L3MBTL4: variants seen among roughly 807,000 people sequenced by gnomAD.
L3MBTL4 encodes the protein lethal(3)malignant brain tumor-like protein 4.
In L3MBTL4, 70 loss-of-function variants were observed where a neutral mutation model predicts 84.5. The observed-to-expected ratio is 0.83, with a 90% CI of 0.68 to 1.01. The LOEUF is 1.01. Ranked by LOEUF, L3MBTL4 falls within the 50% of genes least tolerant of loss-of-function variation. L3MBTL4 has a pLI of 0.00. For synonymous variants in L3MBTL4, 274 were observed against 259.8 expected, an observed-to-expected ratio of 1.05 and a Z score of -0.52; for missense variants, 715 against 754.8, an observed-to-expected ratio of 0.95 and a Z score of 0.62.
At chr18:6,091,074 C>T (rs62079165) in intron 15 of L3MBTL4, among the ~76,000 whole-genome samples, 7,409 of 152,188 alleles carry the variant, frequency 0.049, 214 homozygotes, top group African/African-American at 0.082. Flanking sequence ...TCTCCATCAC[C>T]TGTATCTAAT....
intron 5 of L3MBTL4, among the ~76,000 whole-genome samples, chr18:6,251,124 T>G (rs1322703428): frequency 6.6e-6 from 1 of 152,192 alleles, no homozygotes; most frequent in Non-Finnish European, 1.5e-5. Flanking sequence ...TGAAGAAGTA[T>G]TTTCCAGGAT....
intron 18 of L3MBTL4, among the ~76,000 whole-genome samples, chr18:5,958,768 A>G (rs2095247162): frequency 6.6e-6 from 1 of 152,142 alleles, no homozygotes; most frequent in Non-Finnish European, 1.5e-5. Context: ...CCTAATCTTT[A>G]AGGGCCCCTC....
At chr18:6,310,809 C>T (rs1057225482) in intron 3 of L3MBTL4, among the ~76,000 whole-genome samples, 1 of 152,168 alleles carries the variant, frequency 6.6e-6, no homozygotes, top group Non-Finnish European at 1.5e-5. Flanking sequence ...GCATAGTGAA[C>T]ATTATACCTT....
chr18:5,983,478 C>T (rs927732010), intron 16 of L3MBTL4, among the ~76,000 whole-genome samples: 59 of 151,754 alleles, frequency 3.9e-4, no homozygotes, highest in African/African-American at 1.4e-3. Context: ...AAGCTGCTAA[C>T]GTGTGTGTTT....
intron 1 of L3MBTL4, among the ~76,000 whole-genome samples, chr18:6,336,661 G>T (rs2052354431): frequency 6.6e-6 from 1 of 152,232 alleles, no homozygotes; most frequent in Admixed American, 6.5e-5. Context: ...GCTAGCTTAA[G>T]GTGATACATC....
At chr18:6,116,289 T>C (rs1198403334) in intron 14 of L3MBTL4, among the ~76,000 whole-genome samples, 2 of 151,124 alleles carry the variant, frequency 1.3e-5, no homozygotes, top group African/African-American at 4.9e-5. Context: ...GCTGGGGGCA[T>C]GGGAACGGGA....
intron 12 of L3MBTL4, among the ~76,000 whole-genome samples, chr18:6,203,615 T>C (rs1390993904): frequency 1.3e-5 from 2 of 152,036 alleles, no homozygotes; most frequent in Non-Finnish European, 2.9e-5. Flanking sequence ...TGGAGAAAGG[T>C]ATTACAAACC....
chr18:6,404,361 A>G (rs1027790697), intron 1 of L3MBTL4, among the ~76,000 whole-genome samples: 1 of 152,218 alleles, frequency 6.6e-6, no homozygotes, highest in Non-Finnish European at 1.5e-5. Context: ...AAAAAAGAGC[A>G]TAGGGGACAA....
intron 16 of L3MBTL4, among the ~76,000 whole-genome samples, chr18:5,982,160 A>G (rs1273156799): frequency 6.6e-6 from 1 of 152,192 alleles, no homozygotes; most frequent in East Asian, 1.9e-4. Context: ...TCAACCTCCT[A>G]TTTAAAGAGA....
chr18:6,308,449 A>C (rs1366408359), intron 3 of L3MBTL4, among the ~76,000 whole-genome samples: 1 of 152,220 alleles, frequency 6.6e-6, no homozygotes, highest in Non-Finnish European at 1.5e-5. Flanking sequence ...CCTATGAATG[A>C]ACTGCAAAAG....
intron 16 of L3MBTL4, among the ~76,000 whole-genome samples, chr18:6,047,533 C>T (rs1271064062): frequency 6.6e-6 from 1 of 152,156 alleles, no homozygotes; most frequent in African/African-American, 2.4e-5. Flanking sequence ...TCCAGCAATA[C>T]ATCAAAAAGT....
At chr18:6,151,553 C>A (rs542295278) in intron 13 of L3MBTL4, among the ~76,000 whole-genome samples, 1 of 151,776 alleles carries the variant, frequency 6.6e-6, no homozygotes, top group African/African-American at 2.4e-5. Context: ...CCACCAGGCA[C>A]GGCTAATTTT....
chr18:6,389,352 T>C (rs1199692468), intron 1 of L3MBTL4, among the ~76,000 whole-genome samples: 1 of 152,040 alleles, frequency 6.6e-6, no homozygotes, highest in African/African-American at 2.4e-5. Flanking sequence ...CTTGAAAGCA[T>C]AAAACTCATA....
At chr18:6,051,424 A>C (rs1379217496) in intron 16 of L3MBTL4, among the ~76,000 whole-genome samples, 1 of 152,074 alleles carries the variant, frequency 6.6e-6, no homozygotes, top group Non-Finnish European at 1.5e-5. Flanking sequence ...CTGTAATCCC[A>C]GCTACTCAGG....
intron 13 of L3MBTL4, among the ~76,000 whole-genome samples, chr18:6,159,410 T>C (rs1050142799): frequency 2.0e-5 from 3 of 152,362 alleles, no homozygotes; most frequent in South Asian, 4.1e-4. Context: ...GCCTCACCTC[T>C]GGATGAGAGG....
chr18:6,081,911 C>T (rs2058091057), intron 15 of L3MBTL4, among the ~76,000 whole-genome samples: 1 of 152,086 alleles, frequency 6.6e-6, no homozygotes, highest in Admixed American at 6.5e-5. Flanking sequence ...AAGCAAGAAA[C>T]CGAGAAAATT....
intron 1 of L3MBTL4, among the ~76,000 whole-genome samples, chr18:6,323,504 T>C (rs1345909850): frequency 6.6e-6 from 1 of 152,234 alleles, no homozygotes; most frequent in East Asian, 1.9e-4. Flanking sequence ...GAAGCAAAGG[T>C]CACTTTGTTA....
At chr18:6,333,328 A>C (rs1458644585) in intron 1 of L3MBTL4, among the ~76,000 whole-genome samples, 3 of 152,174 alleles carry the variant, frequency 2.0e-5, no homozygotes, top group African/African-American at 7.2e-5. Context: ...TAATCCCAAC[A>C]CTTTGGGAGG....
intron 18 of L3MBTL4, among the ~76,000 whole-genome samples, 193 bp downstream of exon 18, chr18:5,959,901 G>T (rs1418994017): frequency 6.6e-6 from 1 of 151,822 alleles, no homozygotes; most frequent in East Asian, 1.9e-4. Flanking sequence ...GCATAATTGG[G>T]CTCTATTCCT....
Sources: allele counts gnomAD v4.1 joint callset (sites outside exome capture counted in the v4.1 genomes callset), GRCh38; gene constraint gnomAD v4.1.1; transcripts MANE v1.5; gene names NCBI Gene and HGNC (gene_info 2026-07-23, HGNC 2026-07-21).